The following TAFA4 variants were observed in gnomAD, a reference collection of about 807,000 sequenced individuals.
TAFA4 encodes the protein TAFA chemokine like family member 4.
TAFA4 carries 20 observed loss-of-function variants against 21.1 expected under a neutral mutation model. That is an observed-to-expected ratio of 0.95 (90% CI 0.67 to 1.38). The LOEUF (loss-of-function observed/expected upper bound fraction) is 1.38, where lower values mean the gene tolerates loss of function less well. Ranked by LOEUF, TAFA4 falls within the 40% of genes most tolerant of loss-of-function variation. The pLI is 0.00. For missense variants in TAFA4, 211 were observed against 180.9 expected (o/e 1.17, Z -0.95); for synonymous variants, 71 against 67.4 (o/e 1.05, Z -0.26).
chr3:68,902,374 C>A (rs2089853241), intron 1 of TAFA4, among the ~76,000 whole-genome samples: 1 of 148,786 alleles, frequency 6.7e-6, no homozygotes, highest in Non-Finnish European at 1.5e-5. Context: ...ATATCATTCA[C>A]TTTTTTTTTT....
At chr3:68,745,788 G>A (rs1481097541) in intron 4 of TAFA4, among the ~76,000 whole-genome samples, 3 of 152,200 alleles carry the variant, frequency 2.0e-5, no homozygotes, top group Middle Eastern at 3.4e-3. Flanking sequence ...AATAACCAAG[G>A]ACATGCTCAC....
intron 4 of TAFA4, among the ~76,000 whole-genome samples, chr3:68,750,033 C>G (rs1392525198): frequency 6.6e-6 from 1 of 152,228 alleles, no homozygotes; most frequent in Non-Finnish European, 1.5e-5. Flanking sequence ...TGCTCAGATG[C>G]TCCAGGACTG....
At chr3:68,931,781 C>CG (rs1372186389) in intron 1 of TAFA4, among the ~76,000 whole-genome samples, 2 of 84,956 alleles carry the variant, frequency 2.4e-5, no homozygotes, top group African/African-American at 9.7e-5. Flanking sequence ...GGGGTGGGGG[C>CG]GGGGGGACGC....
intron 3 of TAFA4, among the ~76,000 whole-genome samples, chr3:68,872,688 T>C (rs975207589): frequency 2.0e-5 from 3 of 152,116 alleles, no homozygotes; most frequent in Non-Finnish European, 4.4e-5. Flanking sequence ...AACTATTATG[T>C]AGCAATAATA....
intron 2 of TAFA4, among the ~76,000 whole-genome samples, chr3:68,882,672 A>G (rs2089631544): frequency 6.6e-6 from 1 of 152,240 alleles, no homozygotes; most frequent in African/African-American, 2.4e-5. Context: ...GTGTTACATT[A>G]ACAAAAAATA....
chr3:68,860,229 A>C (rs2089317526), intron 3 of TAFA4, among the ~76,000 whole-genome samples: 1 of 152,136 alleles, frequency 6.6e-6, no homozygotes, highest in African/African-American at 2.4e-5. Context: ...TAAACTGATG[A>C]GGCGAAAGCT....
At chr3:68,897,418 G>C (rs1378951335) in intron 1 of TAFA4, among the ~76,000 whole-genome samples, 1 of 151,938 alleles carries the variant, frequency 6.6e-6, no homozygotes, top group African/African-American at 2.4e-5. Context: ...CTGAGATCAG[G>C]AGGTTGAGAC....
chr3:68,761,132 C>T (rs532899910), intron 3 of TAFA4, among the ~76,000 whole-genome samples: 84 of 152,276 alleles, frequency 5.5e-4, no homozygotes, highest in Middle Eastern at 3.4e-3. Flanking sequence ...TTGATTAAGC[C>T]TCTCAGTCTT....
chr3:68,850,922 A>G (rs1575640714), intron 3 of TAFA4, among the ~76,000 whole-genome samples: 1 of 152,106 alleles, frequency 6.6e-6, no homozygotes, highest in Non-Finnish European at 1.5e-5. Flanking sequence ...TTTTGTAGCC[A>G]TTGCTTTTGG....
intron 3 of TAFA4, among the ~76,000 whole-genome samples, chr3:68,831,340 A>T (rs888248271): frequency 6.6e-6 from 1 of 151,914 alleles, no homozygotes. Flanking sequence ...GTCCCTTTCC[A>T]TGTTTAGTGC....
At chr3:68,844,708 G>C (rs1327153546) in intron 3 of TAFA4, among the ~76,000 whole-genome samples, 2 of 152,138 alleles carry the variant, frequency 1.3e-5, no homozygotes, top group East Asian at 1.9e-4. Flanking sequence ...AGAGATTCTG[G>C]AATGTTGTGT....
At chr3:68,802,700 C>A (rs2106829753) in intron 3 of TAFA4, among the ~76,000 whole-genome samples, 1 of 151,814 alleles carries the variant, frequency 6.6e-6, no homozygotes. Flanking sequence ...CAACACAGAG[C>A]ACACAGAGAA....
At chr3:68,929,323 C>T (rs1174632928) in intron 1 of TAFA4, among the ~76,000 whole-genome samples, 3 of 152,192 alleles carry the variant, frequency 2.0e-5, no homozygotes, top group Admixed American at 2.0e-4. Flanking sequence ...ATCGCTTCAC[C>T]AATACCTTTG....
intron 4 of TAFA4, among the ~76,000 whole-genome samples, chr3:68,743,737 C>T (rs1473793627): frequency 6.6e-6 from 1 of 152,080 alleles, no homozygotes; most frequent in Non-Finnish European, 1.5e-5. Flanking sequence ...GAAAGGGGAG[C>T]CAGATGGTAC....
At chr3:68,860,231 G>T (rs1278415576) in intron 3 of TAFA4, among the ~76,000 whole-genome samples, 2 of 152,046 alleles carry the variant, frequency 1.3e-5, no homozygotes, top group Non-Finnish European at 2.9e-5. Flanking sequence ...AACTGATGAG[G>T]CGAAAGCTTG....
At chr3:68,803,523 G>C (rs1366163903) in intron 3 of TAFA4, among the ~76,000 whole-genome samples, 1 of 152,094 alleles carries the variant, frequency 6.6e-6, no homozygotes, top group Non-Finnish European at 1.5e-5. Context: ...GTTTTGCCAT[G>C]TGTAAGTCCC....
At chr3:68,900,457 CA>C (rs1232851956) in intron 1 of TAFA4, among the ~76,000 whole-genome samples, 1 of 152,000 alleles carries the variant, frequency 6.6e-6, no homozygotes, top group Admixed American at 6.6e-5. Flanking sequence ...TGTTCAGAGG[CA>C]AACACATTCT....
At chr3:68,750,269 C>G in intron 4 of TAFA4, among the ~76,000 whole-genome samples, 1 of 152,116 alleles carries the variant, frequency 6.6e-6, no homozygotes, top group Middle Eastern at 3.2e-3. Context: ...TGCACTCCAA[C>G]CTAGATGACA....
intron 3 of TAFA4, among the ~76,000 whole-genome samples, chr3:68,875,228 GTT>G (rs560801762): frequency 7.7e-5 from 11 of 142,442 alleles, no homozygotes; most frequent in Non-Finnish European, 7.7e-5. Context: ...CAAACTTCCA[GTT>G]TTTTTTTTTT....
Sources: allele counts gnomAD v4.1 joint callset (sites outside exome capture counted in the v4.1 genomes callset), GRCh38; gene constraint gnomAD v4.1.1; transcripts MANE v1.5; gene names NCBI Gene and HGNC (gene_info 2026-07-23, HGNC 2026-07-21).